Variants in LRGUK observed in about 807,000 individuals in gnomAD.
LRGUK encodes the protein leucine-rich repeat and guanylate kinase domain-containing protein.
LRGUK carries 65 observed loss-of-function variants against 76.0 expected under a neutral mutation model. The observed-to-expected ratio is 0.85, with a 90% CI of 0.70 to 1.05. The LOEUF (loss-of-function observed/expected upper bound fraction) is 1.05. Ranked by LOEUF, LRGUK falls within the 50% of genes least tolerant of loss-of-function variation. The pLI, the probability that LRGUK is intolerant of heterozygous loss-of-function variation, is 0.00. For missense variants in LRGUK, 758 were observed against 732.8 expected (o/e 1.03, Z -0.40); for synonymous variants, 268 against 265.6 (o/e 1.01, Z -0.09).
At chr7:134,145,319 C>T (rs1797923932) in intron 4 of LRGUK, among the ~76,000 whole-genome samples, 1 of 152,064 alleles carries the variant, frequency 6.6e-6, no homozygotes, top group South Asian at 2.1e-4. Flanking sequence ...AAGATCTCGG[C>T]TCACCGCAAC....
chr7:134,214,324 C>T (rs1260861380), downstream of LRGUK, among the ~76,000 whole-genome samples: 2 of 151,824 alleles, frequency 1.3e-5, no homozygotes, highest in Non-Finnish European at 1.5e-5. Flanking sequence ...GAAAGTAAAT[C>T]GGCACAATTT....
At chr7:134,169,254 A>G (rs1585481803) in intron 7 of LRGUK, among the ~76,000 whole-genome samples, 1 of 151,998 alleles carries the variant, frequency 6.6e-6, no homozygotes, top group South Asian at 2.1e-4. Context: ...ATGTTGCTGC[A>G]AGCCAAGCAA....
intron 5 of LRGUK, among the ~76,000 whole-genome samples, chr7:134,150,749 A>G (rs1022631132): frequency 6.6e-6 from 1 of 152,206 alleles, no homozygotes; most frequent in Non-Finnish European, 1.5e-5. Context: ...TAATTTCTAT[A>G]TACATTTAGC....
intron 16 of LRGUK, among the ~76,000 whole-genome samples, chr7:134,239,421 G>A (rs931724166): frequency 6.6e-6 from 1 of 152,208 alleles, no homozygotes; most frequent in African/African-American, 2.4e-5. Context: ...CTGGCTCGGA[G>A]GGTCCCACAC....
At chr7:134,231,406 C>T (rs1207816551) in intron 16 of LRGUK, among the ~76,000 whole-genome samples, 2 of 152,000 alleles carry the variant, frequency 1.3e-5, no homozygotes, top group Non-Finnish European at 2.9e-5. Flanking sequence ...TTCAAAAGGA[C>T]CTTCCTTTTT....
In LRGUK at chr7:134,177,174, A is replaced by ATG. The variant is rs1194930856; in HGVS notation, c.1107+113_1107+114dup. On this transcript the variant is annotated intron_variant, in intron 9 of 15. Transcript: ENST00000645682. The stretch of plus-strand genomic sequence containing the variant: ...ATCAATAAATAAGACACATAACAAT[A>ATG]TGTACATTAATTCATTTAGGGAATG... 6 of 624,266 alleles carry ATG rather than the reference A, an allele frequency of 9.6e-6. No individual in the cohort carries two copies. The East Asian group carries it at 1.4e-4, about 15-fold the overall frequency. 38.7% of individuals were successfully genotyped at this position (624,266 alleles called of 1,614,324 possible).
intron 16 of LRGUK, among the ~76,000 whole-genome samples, chr7:134,233,875 T>C (rs1017243832): frequency 6.6e-6 from 1 of 152,220 alleles, no homozygotes; most frequent in Non-Finnish European, 1.5e-5. Context: ...TAAACAAAGC[T>C]TGTCCAACCC....
chr7:134,268,095 A>G (rs965871177), downstream of LRGUK, among the ~76,000 whole-genome samples: 1 of 152,204 alleles, frequency 6.6e-6, no homozygotes, highest in Non-Finnish European at 1.5e-5. Context: ...CAAAAGCATA[A>G]TAAACACAGA....
chr7:134,163,222 G>T (rs1309733592), intron 6 of LRGUK, among the ~76,000 whole-genome samples, 175 bp from the exon 7 acceptor site: 1 of 152,080 alleles, frequency 6.6e-6, no homozygotes, highest in African/African-American at 2.4e-5. Flanking sequence ...TTCTTTCTGG[G>T]GTATGTGTAG....
chr7:134,196,008 C>T (rs1372649777), intron 12 of LRGUK, among the ~76,000 whole-genome samples: 1 of 152,134 alleles, frequency 6.6e-6, no homozygotes, highest in East Asian at 1.9e-4. Flanking sequence ...ACCCTCACAT[C>T]TCCAGAACAT....
At chr7:134,236,290 T>C (rs900960735) in intron 16 of LRGUK, among the ~76,000 whole-genome samples, 1 of 152,124 alleles carries the variant, frequency 6.6e-6, no homozygotes, top group African/African-American at 2.4e-5. Context: ...AGTAACCAAT[T>C]CCTTATATTC....
intron 16 of LRGUK, among the ~76,000 whole-genome samples, chr7:134,244,866 G>A (rs973954733): frequency 1.3e-5 from 2 of 152,208 alleles, no homozygotes; most frequent in East Asian, 1.9e-4. Flanking sequence ...CGAATACTAC[G>A]CAGCCATAAA....
chr7:134,224,670 A>T (rs761792766), intron 16 of LRGUK, among the ~76,000 whole-genome samples: 8 of 152,096 alleles, frequency 5.3e-5, no homozygotes, highest in East Asian at 1.9e-4. Context: ...ACAAACCTGC[A>T]CATATACCCC....
Position 134,238,602 on chromosome 7 carries a change from T to A in LRGUK, c.1984-8954T>A, listed in dbSNP as rs1011447923. On this transcript the variant is annotated intron_variant, in intron 16 of 19. Coordinates refer to the LRGUK transcript ENST00000285928. Reference sequence around the variant, plus strand: ...GAGTTCTGCCACCTAGTTCATGAGTTTTTAAAATTGTAATTTATCTGTTCC... The same window carrying A: ...GAGTTCTGCCACCTAGTTCATGAGTATTTAAAATTGTAATTTATCTGTTCC... 3.3e-5 allele frequency among the ~76,000 whole-genome samples: 5 copies of A among 152,284 alleles called. No individual in the cohort carries two copies. The East Asian group carries it at 9.6e-4, about 29-fold the overall frequency.
At position 134,139,468 on chromosome 7, in the gene LRGUK, TG is replaced by T. The variant is rs1375634588; in HGVS notation, c.440del (p.Gly147AspfsTer21). The T allele has an allele frequency of 6.2e-7, 1 of 1,610,986 alleles. No individual in the cohort carries two copies. Among genetic ancestry groups the T allele is most frequent in the South Asian group, 1.1e-5 (1 of 90,700 alleles). Reference sequence around the variant, plus strand: ...ATTTAATTGATGTTAGCATTCTCTGTGGATATGTTCATCTACAGAAGTTGGA... The same window carrying T: ...ATTTAATTGATGTTAGCATTCTCTGTGATATGTTCATCTACAGAAGTTGGA... On this transcript the variant is annotated frameshift_variant, in exon 3 of 16. Coordinates refer to ENST00000645682, the Ensembl canonical transcript of LRGUK. LOFTEE classifies it high-confidence loss of function.
At chr7:134,167,510 G>A (rs138247522) in intron 7 of LRGUK, among the ~76,000 whole-genome samples, 9 of 152,258 alleles carry the variant, frequency 5.9e-5, no homozygotes, top group Non-Finnish European at 1.0e-4. Context: ...AGTGCCGGCC[G>A]TTGAACAGGA....
chr7:134,177,157 A>G, intron 9 of LRGUK, 94 bp downstream of exon 9: 2 of 689,402 alleles, frequency 2.9e-6, no homozygotes. Context: ...TAATCAATAA[A>G]TAAGACACAT....
chr7:134,138,402 A>AT (rs964356470), intron 2 of LRGUK, among the ~76,000 whole-genome samples: 49 of 150,852 alleles, frequency 3.2e-4, no homozygotes, highest in African/African-American at 1.0e-3. Flanking sequence ...TAGTTTGGTG[A>AT]TTTTTTTTTC....
downstream of LRGUK, among the ~76,000 whole-genome samples, chr7:134,266,731 A>G (rs564170140): frequency 6.6e-6 from 1 of 152,010 alleles, no homozygotes; most frequent in Non-Finnish European, 1.5e-5. Context: ...ACTGAAAAAT[A>G]TTTTTTTTAA....
Sources: allele counts gnomAD v4.1 joint callset (sites outside exome capture counted in the v4.1 genomes callset), GRCh38; gene constraint gnomAD v4.1.1; transcripts MANE v1.5; gene names NCBI Gene and HGNC (gene_info 2026-07-23, HGNC 2026-07-21).